PEAK1: variants seen among roughly 807,000 people sequenced by gnomAD.
PEAK1 encodes inactive tyrosine-protein kinase PEAK1.
Under a neutral mutation model 124.7 loss-of-function variants are expected in PEAK1, and 54 were observed. The ratio of observed to expected loss-of-function variants is 0.43; its 90% CI spans 0.35 to 0.54. The LOEUF is 0.54. Among genes scored for constraint, PEAK1 ranks in the 20% least tolerant of loss-of-function variants. The pLI, the probability that PEAK1 is intolerant of heterozygous loss-of-function variation, is 0.01. For synonymous variants in PEAK1, 719 were observed against 760.0 expected (o/e 0.95, Z 0.89); for missense variants, 2,046 against 2,134.5 (o/e 0.96, Z 0.82).
At chr15:77,322,330 GA>G (rs1274993823) in intron 2 of PEAK1, among the ~76,000 whole-genome samples, 6 of 152,152 alleles carry the variant, frequency 3.9e-5, no homozygotes, top group African/African-American at 1.4e-4. Context: ...AAAAATCAAT[GA>G]ATCCAGGAGC....
chr15:77,413,602 C>T (rs2072590311), intron 1 of PEAK1, among the ~76,000 whole-genome samples: 1 of 152,106 alleles, frequency 6.6e-6, no homozygotes, highest in Non-Finnish European at 1.5e-5. Flanking sequence ...AAGAAACTGC[C>T]ACACATTGGG....
chr15:77,365,097 C>G (rs2068132730), intron 2 of PEAK1, 66 bp downstream of exon 2: 1 of 643,158 alleles, frequency 1.6e-6, no homozygotes, highest in South Asian at 7.0e-5. Flanking sequence ...TAAATTTTTT[C>G]AAAAACAATT....
At chr15:77,102,695 CATACTG>C in exon 7 of PEAK1, 2 of 152,284 alleles carry the variant, frequency 1.3e-5, no homozygotes, top group Middle Eastern at 6.8e-3. Context: ...ATACTAGTTT[CATACTG>C]ATACTATTTT....
chr15:77,176,276 A>C (rs2056868746), intron 7 of PEAK1, among the ~76,000 whole-genome samples: 1 of 148,238 alleles, frequency 6.7e-6, no homozygotes, highest in Admixed American at 6.8e-5. Flanking sequence ...AAAAAAGAAA[A>C]GAAAAAAAAA....
intron 1 of PEAK1, chr15:77,402,280 G>T: frequency 1.0e-6 from 1 of 984,622 alleles, no homozygotes; most frequent in Non-Finnish European, 1.2e-6. Flanking sequence ...TTCAGTAATA[G>T]AATTGCTTTA....
intron 2 of PEAK1, among the ~76,000 whole-genome samples, chr15:77,288,676 C>T (rs945104571): frequency 6.6e-6 from 1 of 152,160 alleles, no homozygotes; most frequent in African/African-American, 2.4e-5. Context: ...GGCGTGGTGG[C>T]TCATGCCTGT....
intron 9 of PEAK1, among the ~76,000 whole-genome samples, chr15:77,119,034 A>G (rs2051655649): frequency 2.0e-5 from 3 of 150,934 alleles, no homozygotes; most frequent in South Asian, 2.1e-4. Flanking sequence ...GTGCAGCAGG[A>G]GAACAAAACC....
At chr15:77,162,493 C>CAAAAAAAAAAAAAAAAA (rs71143393) in intron 7 of PEAK1, among the ~76,000 whole-genome samples, 2 of 70,456 alleles carry the variant, frequency 2.8e-5, no homozygotes, top group Non-Finnish European at 2.4e-5. Context: ...GACTCCATCT[C>CAAAAAAAAAAAAAAAAA]AAAAAAAAAA....
intron 1 of PEAK1, chr15:77,402,776 T>G: frequency 1.0e-6 from 1 of 985,434 alleles, no homozygotes; most frequent in Non-Finnish European, 1.2e-6. Context: ...ACATGCCATT[T>G]TATATGAATC....
rs781201100 is a variant in PEAK1 at position 77,109,411 on chromosome 15, A to G, written c.*4745T>C. On this transcript the variant is annotated 3_prime_UTR_variant, in exon 10 of 10. Coordinates refer to ENST00000682557, the MANE Select transcript of PEAK1 (RefSeq NM_001385026.1). ...GGATTTATCAGCTAAATGCCTTGAC[A>G]TGGAATGTATGTGAACTCCCCTCCC... The G allele has an allele frequency of 2.0e-5, 3 of 152,238 alleles. No individual in the cohort carries two copies. Among genetic ancestry groups the G allele is most frequent in the Non-Finnish European group, 4.4e-5 (3 of 68,046 alleles). The allele number at this position is 152,238 out of a possible 1,614,324, so 9.4% of individuals were successfully genotyped here. A position where few individuals can be genotyped will look rare whatever the true frequency, so the allele number is the denominator to read the frequency against.
At chr15:77,406,771 G>A (rs1179765278) in intron 1 of PEAK1, among the ~76,000 whole-genome samples, 1 of 151,748 alleles carries the variant, frequency 6.6e-6, no homozygotes, top group East Asian at 1.9e-4. Context: ...TAGAAAAAAT[G>A]ATCCTAAAGT....
intron 2 of PEAK1, among the ~76,000 whole-genome samples, chr15:77,303,562 T>C (rs2063902128): frequency 6.6e-6 from 1 of 152,220 alleles, no homozygotes. Context: ...TGATGGGGTG[T>C]CTCTTCAGAT....
At chr15:77,295,712 T>C (rs576417040) in intron 2 of PEAK1, among the ~76,000 whole-genome samples, 2 of 152,330 alleles carry the variant, frequency 1.3e-5, no homozygotes, top group African/African-American at 2.4e-5. Flanking sequence ...TCTTATCTTA[T>C]AGTTGCGGAA....
intron 5 of PEAK1, among the ~76,000 whole-genome samples, chr15:77,274,393 A>C (rs2062198793): frequency 6.6e-6 from 1 of 152,152 alleles, no homozygotes; most frequent in Non-Finnish European, 1.5e-5. Flanking sequence ...ACTAATATCC[A>C]GAATCTACAA....
At chr15:77,196,909 G>A (rs2058131688) in intron 6 of PEAK1, among the ~76,000 whole-genome samples, 1 of 152,064 alleles carries the variant, frequency 6.6e-6, no homozygotes, top group Admixed American at 6.6e-5. Flanking sequence ...GAGTGCAATG[G>A]TGCGATCATG....
intron 5 of PEAK1, among the ~76,000 whole-genome samples, chr15:77,259,106 C>T (rs1053966733): frequency 6.6e-6 from 1 of 152,086 alleles, no homozygotes; most frequent in Non-Finnish European, 1.5e-5. Flanking sequence ...GTTACAGTAA[C>T]TAAATGCCTA....
intron 2 of PEAK1, among the ~76,000 whole-genome samples, chr15:77,325,329 G>A (rs962031452): frequency 8.5e-5 from 13 of 152,070 alleles, no homozygotes; most frequent in Non-Finnish European, 1.5e-4. Context: ...AGGACAGCTT[G>A]AGCCTGAGTG....
chr15:77,236,567 T>C (rs2060134247), intron 6 of PEAK1, among the ~76,000 whole-genome samples: 1 of 152,170 alleles, frequency 6.6e-6, no homozygotes, highest in Admixed American at 6.5e-5. Context: ...GAACTTGCCT[T>C]GTCTCAGATG....
chr15:77,278,831 GGT>G (rs1491339826), intron 5 of PEAK1: 2 of 200,740 alleles, frequency 1.0e-5, no homozygotes, highest in Admixed American at 8.3e-5. Flanking sequence ...AAATTTTGTG[GGT>G]TTTTTTTTTT....
Sources: gnomAD v4.1 joint callset for allele counts (sites outside exome capture counted in the v4.1 genomes callset) on GRCh38, gnomAD v4.1.1 for gene constraint, MANE v1.5 for transcripts, NCBI Gene and HGNC (gene_info 2026-07-23, HGNC 2026-07-21) for gene names.